The following EVA1A variants were observed in gnomAD, a reference collection of about 807,000 sequenced individuals.
EVA1A encodes the protein eva-1 homolog A, regulator of programmed cell death, also known as protein eva-1 homolog A.
A neutral mutation model predicts 9.8 loss-of-function variants in EVA1A; 7 were observed. The ratio of observed to expected loss-of-function variants is 0.71; its 90% CI spans 0.41 to 1.34. The LOEUF (loss-of-function observed/expected upper bound fraction) is 1.34. EVA1A is among the 40% of genes most tolerant of loss of function. EVA1A has a pLI of 0.01. For missense variants in EVA1A, 206 were observed against 205.9 expected (o/e 1.00, Z 0.00); for synonymous variants, 90 against 85.6 (o/e 1.05, Z -0.28).
chr2:75,508,782 C>T (rs900741080), intron 3 of EVA1A, among the ~76,000 whole-genome samples: 16 of 152,174 alleles, frequency 1.1e-4, no homozygotes, highest in Middle Eastern at 6.8e-3. Flanking sequence ...ATGTCTCCCC[C>T]GGATGCCCAG....
chr2:75,520,319 G>GA (rs1553417774), intron 2 of EVA1A, among the ~76,000 whole-genome samples: 1 of 151,798 alleles, frequency 6.6e-6, no homozygotes, highest in Non-Finnish European at 1.5e-5. Flanking sequence ...TCTCAATGAT[G>GA]TTTTTGCAGA....
chr2:75,549,012 T>A (rs73938964), intron 1 of EVA1A, among the ~76,000 whole-genome samples: 11,547 of 86,318 alleles, frequency 0.13, 478 homozygotes, highest in Admixed American at 0.16. Flanking sequence ...ATATATATTT[T>A]TTTTTTTTTT....
upstream of EVA1A, among the ~76,000 whole-genome samples, chr2:75,565,806 T>C (rs1677015592): frequency 6.6e-6 from 1 of 152,238 alleles, no homozygotes; most frequent in Admixed American, 6.5e-5. Context: ...CACCAATGTG[T>C]CACCATTAAT....
intron 1 of EVA1A, among the ~76,000 whole-genome samples, chr2:75,556,242 T>G (rs1181081491): frequency 6.6e-6 from 1 of 152,006 alleles, no homozygotes; most frequent in Admixed American, 6.6e-5. Context: ...AACAACAGAG[T>G]GCATTTCACA....
chr2:75,525,290 T>C (rs1675387790), intron 1 of EVA1A, among the ~76,000 whole-genome samples: 1 of 152,178 alleles, frequency 6.6e-6, no homozygotes, highest in Non-Finnish European at 1.5e-5. Flanking sequence ...CTTTAAGCAA[T>C]CTTCCCTTTG....
At position 75,518,632 on chromosome 2, in the gene EVA1A, C is replaced by G. The variant is rs890261750; in HGVS notation, c.-68-424G>C. 3.0e-6 allele frequency: 3 copies of G among 987,512 alleles called. No homozygotes were observed. The African/African-American group carries it at 5.2e-5, about 17-fold the overall frequency. The allele number at this position is 987,512 out of a possible 1,614,324, so 61.2% of individuals were successfully genotyped here. A position where few individuals can be genotyped will look rare whatever the true frequency, so the allele number is the denominator to read the frequency against. On this transcript the variant is annotated intron_variant, in intron 2 of 3. Transcript: ENST00000393913. The stretch of plus-strand genomic sequence containing the variant: ...TCTTCCTAATTCCCAGTAAACAATT[C>G]CCCCTTACCACTTCTGGAACTCTTT...
chr2:75,499,633 T>C (rs1277875943), intron 3 of EVA1A, among the ~76,000 whole-genome samples: 1 of 152,204 alleles, frequency 6.6e-6, no homozygotes, highest in Non-Finnish European at 1.5e-5. Flanking sequence ...CCTTTTCCTC[T>C]GAAAGAGACT....
intron 1 of EVA1A, among the ~76,000 whole-genome samples, chr2:75,530,130 C>G (rs1451646065): frequency 1.3e-5 from 2 of 152,084 alleles, no homozygotes; most frequent in East Asian, 3.9e-4. Flanking sequence ...CCTTTATGCG[C>G]ACAGACTAGA....
chr2:75,543,896 C>T (rs958714413), intron 1 of EVA1A, among the ~76,000 whole-genome samples: 12 of 152,216 alleles, frequency 7.9e-5, no homozygotes, highest in African/African-American at 2.4e-4. Flanking sequence ...AATTTTCTTA[C>T]ACCTTATTCT....
intron 1 of EVA1A, among the ~76,000 whole-genome samples, chr2:75,568,852 C>G (rs1169893897): frequency 6.6e-6 from 1 of 152,184 alleles, no homozygotes; most frequent in Non-Finnish European, 1.5e-5. Context: ...TCTTTATCCT[C>G]TGGTTGGTTG....
At chr2:75,566,911 C>A (rs1472966637) in intron 1 of EVA1A, among the ~76,000 whole-genome samples, 1 of 151,952 alleles carries the variant, frequency 6.6e-6, no homozygotes, top group Non-Finnish European at 1.5e-5. Flanking sequence ...CTACATTTTT[C>A]ATCTTGGCTA....
At chr2:75,551,875 A>G (rs1389000439) in intron 1 of EVA1A, among the ~76,000 whole-genome samples, 1 of 152,154 alleles carries the variant, frequency 6.6e-6, no homozygotes, top group Non-Finnish European at 1.5e-5. Context: ...TGACTTCACT[A>G]CCTTTGGTTA....
upstream of EVA1A, among the ~76,000 whole-genome samples, chr2:75,562,879 G>A (rs1676953508): frequency 6.6e-6 from 1 of 152,234 alleles, no homozygotes; most frequent in South Asian, 2.1e-4. Flanking sequence ...CTCAGTAAAT[G>A]TGTGTTGAAT....
chr2:75,530,589 T>A (rs899224965), intron 1 of EVA1A, among the ~76,000 whole-genome samples: 2 of 152,208 alleles, frequency 1.3e-5, no homozygotes, highest in African/African-American at 4.8e-5. Context: ...GATACAGGGA[T>A]GGTTTAACAT....
upstream of EVA1A, among the ~76,000 whole-genome samples, chr2:75,561,485 CTT>C (rs1416118981): frequency 6.7e-6 from 1 of 149,820 alleles, no homozygotes; most frequent in African/African-American, 2.5e-5. Context: ...TGGCCTTTCT[CTT>C]TCAGGGTTGG....
intron 3 of EVA1A, among the ~76,000 whole-genome samples, chr2:75,498,456 T>C (rs1315393524): frequency 6.6e-6 from 1 of 151,684 alleles, no homozygotes; most frequent in Non-Finnish European, 1.5e-5. Context: ...GTAACAAAAC[T>C]GCACGGGTAC....
At chr2:75,535,252 C>T (rs1675834589) in intron 1 of EVA1A, among the ~76,000 whole-genome samples, 1 of 128,792 alleles carries the variant, frequency 7.8e-6, no homozygotes, top group Non-Finnish European at 1.6e-5. Flanking sequence ...ACTGGAATGG[C>T]CATTATTAAA....
chr2:75,563,703 G>A (rs956624591), upstream of EVA1A, among the ~76,000 whole-genome samples: 10 of 152,170 alleles, frequency 6.6e-5, no homozygotes, highest in African/African-American at 2.4e-4. Context: ...TGTTGTTCCT[G>A]TCTACCACCT....
At position 75,492,647 on chromosome 2, in the gene EVA1A, T is replaced by C. The variant is rs1674072562; in HGVS notation, c.*589A>G. ...TCCCATAATACAATAGTTCTATTCA[T>C]TTTCATGAATGAGGTGGGAACTACA... On this transcript the variant is annotated 3_prime_UTR_variant, in exon 4 of 4. Coordinates refer to ENST00000393913, the MANE Select transcript of EVA1A (RefSeq NM_001135032.2). The C allele has an allele frequency of 6.5e-6, 1 of 152,756 alleles. No individual in the cohort carries two copies. Among genetic ancestry groups the C allele is most frequent in the Non-Finnish European group, 1.5e-5 (1 of 68,136 alleles). The allele number at this position is 152,756 out of a possible 1,614,324, so 9.5% of individuals were successfully genotyped here. A position where few individuals can be genotyped will look rare whatever the true frequency, so the allele number is the denominator to read the frequency against.
Sources: allele counts gnomAD v4.1 joint callset (sites outside exome capture counted in the v4.1 genomes callset), GRCh38; gene constraint gnomAD v4.1.1; transcripts MANE v1.5; gene names NCBI Gene and HGNC (gene_info 2026-07-23, HGNC 2026-07-21).